Variants in PDZRN3 observed in about 807,000 individuals in gnomAD.
The protein encoded by PDZRN3 is PDZ domain containing ring finger 3.
Under a neutral mutation model 85.7 loss-of-function variants are expected in PDZRN3, and 38 were observed. The ratio of observed to expected loss-of-function variants is 0.44; its 90% CI spans 0.34 to 0.58. PDZRN3 has a LOEUF of 0.58. PDZRN3 is among the 20% of genes least tolerant of loss of function. PDZRN3 has a pLI of 0.01. For synonymous variants in PDZRN3, 759 were observed against 638.0 expected, an observed-to-expected ratio of 1.19 and a Z score of -2.86; for missense variants, 1,629 against 1,506.4, an observed-to-expected ratio of 1.08 and a Z score of -1.35.
chr3:73,576,351 T>C (rs916278577), intron 3 of PDZRN3, among the ~76,000 whole-genome samples: 1 of 152,188 alleles, frequency 6.6e-6, no homozygotes, highest in Admixed American at 6.5e-5. Flanking sequence ...ATACGTGATA[T>C]AGGCCGAGTG....
intron 3 of PDZRN3, among the ~76,000 whole-genome samples, chr3:73,453,635 G>C (rs1358207491): frequency 6.6e-6 from 1 of 151,626 alleles, no homozygotes; most frequent in Non-Finnish European, 1.5e-5. Context: ...ATATAATCAA[G>C]AATGATTTTG....
At chr3:73,486,636 T>C (rs1703666922) in intron 3 of PDZRN3, among the ~76,000 whole-genome samples, 1 of 152,164 alleles carries the variant, frequency 6.6e-6, no homozygotes, top group Non-Finnish European at 1.5e-5. Flanking sequence ...TAAGTATATT[T>C]TACCATAATT....
intron 3 of PDZRN3, among the ~76,000 whole-genome samples, chr3:73,419,490 C>T (rs1702156421): frequency 6.6e-6 from 1 of 152,220 alleles, no homozygotes; most frequent in Non-Finnish European, 1.5e-5. Flanking sequence ...ATCCCCTGCA[C>T]ACGCAACGGC....
chr3:73,491,010 A>G (rs1330276941), intron 3 of PDZRN3, among the ~76,000 whole-genome samples: 1 of 152,184 alleles, frequency 6.6e-6, no homozygotes, highest in Non-Finnish European at 1.5e-5. Context: ...AAGCCCTCCA[A>G]GTTCAGGGTC....
intron 3 of PDZRN3, among the ~76,000 whole-genome samples, chr3:73,541,245 A>G (rs1704914442): frequency 6.6e-6 from 1 of 152,188 alleles, no homozygotes; most frequent in African/African-American, 2.4e-5. Context: ...ATTTTTTTCT[A>G]TCAAAGTCCA....
intron 3 of PDZRN3, among the ~76,000 whole-genome samples, chr3:73,405,297 GAAATCAGAGTCTTATTTCTAA>G (rs1701831243): frequency 6.6e-6 from 1 of 152,152 alleles, no homozygotes; most frequent in African/African-American, 2.4e-5. Context: ...AGATGAAATA[GAAATCAGAGTCTTATTTCTAA>G]AAATCAAAGT....
intron 1 of PDZRN3, among the ~76,000 whole-genome samples, chr3:73,615,761 C>A (rs1384300414): frequency 1.3e-5 from 2 of 152,178 alleles, no homozygotes; most frequent in Non-Finnish European, 2.9e-5. Flanking sequence ...CCTAAATGCA[C>A]TAAGACAGAG....
intron 3 of PDZRN3, among the ~76,000 whole-genome samples, chr3:73,463,869 T>C (rs1355483116): frequency 1.3e-5 from 2 of 152,096 alleles, no homozygotes; most frequent in South Asian, 4.1e-4. Context: ...GGTGATGAAA[T>C]AATCTGTACA....
chr3:73,506,301 T>C (rs534113432), intron 3 of PDZRN3, among the ~76,000 whole-genome samples: 2 of 152,278 alleles, frequency 1.3e-5, no homozygotes, highest in Admixed American at 6.5e-5. Flanking sequence ...TAATTAATGA[T>C]TGGCATCTCC....
rs756238562 is a variant in PDZRN3, at chr3:73,384,328, G to C, written c.2238C>G (p.Leu746=). 5 of 1,611,598 alleles carry C rather than the reference G, an allele frequency of 3.1e-6. No homozygotes were observed. The highest frequency in any genetic ancestry group is 3.3e-5 in the Admixed American group (2 of 60,006). Reference sequence around the variant, plus strand: ...AGCTGTCCTTGTCGGATTTCTCCGGGAGCTCGGTGATATCTGAGAGCTCGT... The same window carrying C: ...AGCTGTCCTTGTCGGATTTCTCCGGCAGCTCGGTGATATCTGAGAGCTCGT... ...RRHELSDITE[L]PEKSDKDSSS... The change falls in exon 10 of 10, where the codon CTC becomes CTG. Residue 746 remains leucine (L), a synonymous_variant. Coordinates refer to ENST00000263666, the MANE Select transcript of PDZRN3 (RefSeq NM_015009.3).
At chr3:73,538,521 C>T (rs1002854406) in intron 3 of PDZRN3, among the ~76,000 whole-genome samples, 36 of 152,174 alleles carry the variant, frequency 2.4e-4, no homozygotes, top group African/African-American at 8.0e-4. Flanking sequence ...TCAAAAATTG[C>T]AGACTGCCTT....
chr3:73,564,919 G>T (rs1012127165), intron 3 of PDZRN3, among the ~76,000 whole-genome samples: 1 of 152,088 alleles, frequency 6.6e-6, no homozygotes, highest in Admixed American at 6.5e-5. Flanking sequence ...TAAATGTCAG[G>T]TAGCTGCTCT....
At chr3:73,533,397 C>T (rs1474651968) in intron 3 of PDZRN3, among the ~76,000 whole-genome samples, 1 of 152,122 alleles carries the variant, frequency 6.6e-6, no homozygotes, top group East Asian at 1.9e-4. Flanking sequence ...CAAATCTTTT[C>T]AAAAACAAAT....
At chr3:73,591,765 C>T (rs1702360413) in intron 3 of PDZRN3, among the ~76,000 whole-genome samples, 1 of 152,194 alleles carries the variant, frequency 6.6e-6, no homozygotes, top group Non-Finnish European at 1.5e-5. Context: ...TCCCCAAGAT[C>T]ATGAAGCTCG....
chr3:73,598,739 T>C (rs1559753236), intron 3 of PDZRN3, among the ~76,000 whole-genome samples: 4 of 152,158 alleles, frequency 2.6e-5, no homozygotes. Context: ...AGCACTCATG[T>C]AGGGAACCCA....
rs761665132 is a variant in PDZRN3 at position 73,383,486 on chromosome 3, T to C, written c.3080A>G (p.Lys1027Arg). 1.6e-5 allele frequency: 26 copies of C among 1,614,100 alleles called. No individual in the cohort carries two copies. The highest frequency in any genetic ancestry group is 2.1e-5 in the Non-Finnish European group (25 of 1,180,040). ...ATCGAAGATTTTCTTATTCCTCTTCTTCATCATCTTTTTGTGGCTCAGTTC... is the reference window on the plus strand; with the variant it reads ...ATCGAAGATTTTCTTATTCCTCTTCCTCATCATCTTTTTGTGGCTCAGTTC... Reference protein sequence around the residue: ...ILELSHKKMMKKRNKKIFDNW... With the variant: ...ILELSHKKMMRKRNKKIFDNW... The change falls in exon 10 of 10, where the codon AAG (lysine) becomes AGG (arginine). Residue 1027 changes from lysine to arginine, a missense_variant. Physicochemically the swap from Lys to Arg is conservative, Grantham distance 26 (BLOSUM62 2). Coordinates refer to ENST00000263666, the MANE Select transcript of PDZRN3 (RefSeq NM_015009.3).
intron 3 of PDZRN3, among the ~76,000 whole-genome samples, chr3:73,436,310 C>T (rs923873017): frequency 3.3e-5 from 5 of 152,152 alleles, no homozygotes; most frequent in African/African-American, 4.8e-5. Flanking sequence ...GCCCAGGCCC[C>T]GTGAAGGTGC....
At chr3:73,457,976 C>A (rs1257319100) in intron 3 of PDZRN3, among the ~76,000 whole-genome samples, 1 of 152,168 alleles carries the variant, frequency 6.6e-6, no homozygotes, top group Admixed American at 6.5e-5. Flanking sequence ...AGCAGCCTGA[C>A]CAGATGGAAA....
At chr3:73,600,290 C>G (rs969590812) in intron 3 of PDZRN3, among the ~76,000 whole-genome samples, 1 of 148,610 alleles carries the variant, frequency 6.7e-6, no homozygotes, top group Non-Finnish European at 1.5e-5. Flanking sequence ...GACTTTGACT[C>G]TTCTTAGTAA....
Sources: allele counts gnomAD v4.1 joint callset (sites outside exome capture counted in the v4.1 genomes callset), GRCh38; gene constraint gnomAD v4.1.1; transcripts MANE v1.5; gene names NCBI Gene and HGNC (gene_info 2026-07-23, HGNC 2026-07-21).